Variants in LRMDA observed in about 807,000 individuals in gnomAD.
LRMDA encodes leucine-rich melanocyte differentiation-associated protein.
Under a neutral mutation model 29.8 loss-of-function variants are expected in LRMDA, and 18 were observed. The ratio of observed to expected loss-of-function variants is 0.60; its 90% CI spans 0.42 to 0.90. LRMDA has a LOEUF of 0.90. Ranked by LOEUF, LRMDA falls within the 40% of genes least tolerant of loss-of-function variation. The probability of loss-of-function intolerance (pLI) is 0.00; values close to 1 mark genes in which losing one functional copy is unlikely to be tolerated. For missense variants in LRMDA, 273 were observed against 273.9 expected (o/e 1.00, Z 0.02); for synonymous variants, 125 against 109.4 (o/e 1.14, Z -0.89).
intron 6 of LRMDA, among the ~76,000 whole-genome samples, chr10:76,409,140 GTCTC>G (rs1478679030): frequency 6.6e-6 from 1 of 152,098 alleles, no homozygotes; most frequent in African/African-American, 2.4e-5. Flanking sequence ...CATTCATTCT[GTCTC>G]TCTCTACAAG....
intron 6 of LRMDA, among the ~76,000 whole-genome samples, chr10:76,409,051 G>T (rs1452577918): frequency 6.6e-6 from 1 of 152,152 alleles, no homozygotes; most frequent in Non-Finnish European, 1.5e-5. Flanking sequence ...ACTCCAAGGA[G>T]GCCCTATGGT....
intron 2 of LRMDA, among the ~76,000 whole-genome samples, chr10:76,019,138 C>T (rs576436685): frequency 6.6e-6 from 1 of 152,236 alleles, no homozygotes; most frequent in East Asian, 1.9e-4. Context: ...TACCCTCGGG[C>T]CGGGTGCAGC....
chr10:75,439,037 G>C (rs1844296238), intron 2 of LRMDA, among the ~76,000 whole-genome samples: 1 of 152,186 alleles, frequency 6.6e-6, no homozygotes, highest in Non-Finnish European at 1.5e-5. Context: ...AAATACTGCT[G>C]GTGTGGAGTG....
At chr10:75,662,646 A>G (rs78893916) in intron 2 of LRMDA, among the ~76,000 whole-genome samples, 2,813 of 152,330 alleles carry the variant, frequency 0.018, 98 homozygotes, top group African/African-American at 0.064. Flanking sequence ...ATTACCCTGA[A>G]TGAGGTGAAT....
At chr10:75,671,906 T>C (rs1166015172) in intron 2 of LRMDA, among the ~76,000 whole-genome samples, 1 of 152,252 alleles carries the variant, frequency 6.6e-6, no homozygotes, top group African/African-American at 2.4e-5. Context: ...ATGATAAAAG[T>C]TTAAAAGGTA....
intron 2 of LRMDA, among the ~76,000 whole-genome samples, chr10:75,525,591 T>C (rs1845404431): frequency 1.9e-5 from 2 of 106,522 alleles, no homozygotes; most frequent in East Asian, 2.8e-4. Flanking sequence ...TTTCTTTCTT[T>C]CTTTTTTTTT....
intron 6 of LRMDA, among the ~76,000 whole-genome samples, chr10:76,387,204 A>G (rs1171486798): frequency 1.3e-5 from 2 of 152,218 alleles, no homozygotes; most frequent in Non-Finnish European, 2.9e-5. Flanking sequence ...AATGCAGTCA[A>G]AGATGTATAT....
At chr10:75,464,418 G>T (rs986762594) in intron 2 of LRMDA, among the ~76,000 whole-genome samples, 3 of 152,172 alleles carry the variant, frequency 2.0e-5, no homozygotes, top group Non-Finnish European at 4.4e-5. Context: ...TATGTGTATG[G>T]TATGTAAGCA....
chr10:75,871,759 G>C (rs941507369), intron 2 of LRMDA, among the ~76,000 whole-genome samples: 1 of 152,060 alleles, frequency 6.6e-6, no homozygotes, highest in Non-Finnish European at 1.5e-5. Context: ...AAAATCCTAG[G>C]CTCCCTGGGT....
chr10:75,768,560 C>T (rs1843198315), intron 2 of LRMDA, among the ~76,000 whole-genome samples: 4 of 152,134 alleles, frequency 2.6e-5, no homozygotes, highest in Admixed American at 2.6e-4. Flanking sequence ...GCTCACTTAC[C>T]ATTTTCCGAG....
intron 2 of LRMDA, among the ~76,000 whole-genome samples, chr10:76,029,148 T>G (rs959711509): frequency 2.6e-5 from 4 of 152,160 alleles, no homozygotes; most frequent in African/African-American, 9.7e-5. Flanking sequence ...ATATATATCT[T>G]CTTTATTCCT....
At chr10:75,442,572 G>T (rs1464709163) in intron 2 of LRMDA, among the ~76,000 whole-genome samples, 2 of 152,128 alleles carry the variant, frequency 1.3e-5, no homozygotes, top group Admixed American at 6.6e-5. Flanking sequence ...TGTCAATGCA[G>T]ATTTATTTCT....
intron 2 of LRMDA, among the ~76,000 whole-genome samples, chr10:75,939,331 C>G (rs1846349523): frequency 6.6e-6 from 1 of 152,148 alleles, no homozygotes; most frequent in Non-Finnish European, 1.5e-5. Context: ...GGGACACATA[C>G]CCCACAAGCA....
intron 2 of LRMDA, among the ~76,000 whole-genome samples, chr10:75,909,692 A>T (rs980852657): frequency 6.6e-6 from 1 of 152,182 alleles, no homozygotes; most frequent in Non-Finnish European, 1.5e-5. Context: ...CAATTTCTTC[A>T]TATGTAAAAC....
intron 2 of LRMDA, among the ~76,000 whole-genome samples, chr10:75,945,711 AG>A (rs1270585972): frequency 6.6e-6 from 1 of 152,180 alleles, no homozygotes; most frequent in African/African-American, 2.4e-5. Context: ...GGAAATATAT[AG>A]ATTTTTCTGT....
At chr10:76,034,859 C>T (rs1221309063) in intron 2 of LRMDA, among the ~76,000 whole-genome samples, 1 of 152,138 alleles carries the variant, frequency 6.6e-6, no homozygotes, top group Non-Finnish European at 1.5e-5. Flanking sequence ...CAGCTGTCAG[C>T]CGGTGCAGGC....
chr10:75,874,996 T>C (rs1389513348), intron 2 of LRMDA, among the ~76,000 whole-genome samples: 3 of 152,200 alleles, frequency 2.0e-5, no homozygotes, highest in Non-Finnish European at 4.4e-5. Context: ...TGAGCAATTA[T>C]TCAGTCTCAG....
chr10:75,590,179 T>C (rs1354749698), intron 2 of LRMDA, among the ~76,000 whole-genome samples: 5 of 151,922 alleles, frequency 3.3e-5, no homozygotes, highest in Non-Finnish European at 7.4e-5. Flanking sequence ...CTATCACACC[T>C]GGCTAATTTT....
intron 2 of LRMDA, among the ~76,000 whole-genome samples, chr10:75,729,431 G>A (rs570343579): frequency 2.3e-4 from 35 of 152,276 alleles, no homozygotes; most frequent in African/African-American, 8.2e-4. Flanking sequence ...TTTGGACAAC[G>A]TGAGCATATT....
Sources: allele counts gnomAD v4.1 joint callset (sites outside exome capture counted in the v4.1 genomes callset), GRCh38; gene constraint gnomAD v4.1.1; transcripts MANE v1.5; gene names NCBI Gene and HGNC (gene_info 2026-07-23, HGNC 2026-07-21).